The following NBPF19 variants were observed in gnomAD, a reference collection of about 807,000 sequenced individuals.
NBPF19 encodes the protein NBPF family member NBPF19.
A neutral mutation model predicts 45.9 loss-of-function variants in NBPF19; 30 were observed. The observed-to-expected ratio is 0.65, with a 90% CI of 0.49 to 0.89. NBPF19 has a LOEUF of 0.89. NBPF19 is among the 40% of genes least tolerant of loss of function. The pLI, the probability that NBPF19 is intolerant of heterozygous loss-of-function variation, is 0.00. For missense variants in NBPF19, 495 were observed against 471.8 expected (o/e 1.05, Z -0.46); for synonymous variants, 183 against 181.2 (o/e 1.01, Z -0.08).
intron 3 of NBPF19, among the ~76,000 whole-genome samples, chr1:149,478,290 A>G (rs1483205086): frequency 6.6e-6 from 1 of 151,172 alleles, no homozygotes; most frequent in Non-Finnish European, 1.5e-5. Context: ...TGAAATTTAC[A>G]TAACACAAAA....
intron 9 of NBPF19, among the ~76,000 whole-genome samples, chr1:149,487,749 C>T (rs2085663881): frequency 6.7e-6 from 1 of 148,626 alleles, no homozygotes; most frequent in Non-Finnish European, 1.5e-5. Flanking sequence ...ATCAGTGTGT[C>T]ACCTGACCAA....
At position 149,494,506 on chromosome 1, in the gene NBPF19, T is replaced by G; in HGVS notation, c.2170+16T>G. The G allele has an allele frequency of 5.4e-6, 1 of 183,644 alleles. No homozygotes were observed. Among genetic ancestry groups the G allele is most frequent in the Non-Finnish European group, 9.5e-6 (1 of 105,288 alleles). The allele number at this position is 183,644 out of a possible 1,614,324, so 11.4% of individuals were successfully genotyped here. ...GACGTGGACAGTGAGTACCTTACTATGAAGGTGATAAGCCTCCACCTGGTC... is the reference window on the plus strand; with the variant it reads ...GACGTGGACAGTGAGTACCTTACTAGGAAGGTGATAAGCCTCCACCTGGTC... On this transcript the variant is annotated intron_variant, in intron 18 of 93. Transcript: ENST00000651566.
rs2087242474 is a variant in NBPF19 at position 149,556,043 on chromosome 1, TC to T, written c.*1307del. On this transcript the variant is annotated 3_prime_UTR_variant, in exon 94 of 94. Transcript: ENST00000651566. ...TAAATATCCTGTATTCTAATGATCA[TC>T]CTCTAAACATTTTATCATTTATTAA... 6.9e-6 allele frequency: 1 copy of T among 145,688 alleles called. No individual in the cohort carries two copies. The highest frequency in any genetic ancestry group is 7.0e-5 in the Admixed American group (1 of 14,376). The allele number at this position is 145,688 out of a possible 1,614,324, so 9.0% of individuals were successfully genotyped here.
At chr1:149,488,813 C>T (rs1414192328) in intron 10 of NBPF19, 92 bp from the exon 11 acceptor site, 2 of 73,876 alleles carry the variant, frequency 2.7e-5, no homozygotes, top group East Asian at 7.5e-4. Flanking sequence ...TGCTGAGGAG[C>T]CTGAAGTCTC....
intron 9 of NBPF19, among the ~76,000 whole-genome samples, chr1:149,487,694 T>G (rs1477686941): frequency 6.7e-6 from 1 of 150,366 alleles, no homozygotes; most frequent in African/African-American, 2.4e-5. Flanking sequence ...CACTGTTCAC[T>G]GTGTGTCCTG....
chr1:149,481,074 TACTC>T (rs1382097129), intron 6 of NBPF19, among the ~76,000 whole-genome samples, 190 bp downstream of exon 6: 10 of 147,806 alleles, frequency 6.8e-5, no homozygotes, highest in Admixed American at 2.7e-4. Context: ...AGTATCAAGT[TACTC>T]AACCCCAGGC....
At chr1:149,487,446 G>A (rs1310621299) in intron 9 of NBPF19, 63 bp downstream of exon 9, 9 of 923,560 alleles carry the variant, frequency 9.7e-6, no homozygotes, top group Non-Finnish European at 1.2e-5. Flanking sequence ...CAAGTCCAGG[G>A]AAAACAGTAC....
At position 149,554,906 on chromosome 1, in the gene NBPF19, C is replaced by T. The variant is rs2087210540; in HGVS notation, c.*168C>T. The T allele has an allele frequency of 1.5e-6, 2 of 1,305,618 alleles. No individual in the cohort carries two copies. The highest frequency in any genetic ancestry group is 2.1e-6 in the Non-Finnish European group (2 of 942,074). The allele number at this position is 1,305,618 out of a possible 1,614,324, so 80.9% of individuals were successfully genotyped here. Reference sequence around the variant, plus strand: ...ATGCCAGTGGCAACCTGTGCTCAGTCTGAAGACAATGGACCCACGTTAGGT... The same window carrying T: ...ATGCCAGTGGCAACCTGTGCTCAGTTTGAAGACAATGGACCCACGTTAGGT... On this transcript the variant is annotated 3_prime_UTR_variant, in exon 94 of 94. Coordinates refer to ENST00000651566, the MANE Select transcript of NBPF19 (RefSeq NM_001351365.2).
chr1:149,487,475 T>A lies in NBPF19; in HGVS notation c.1040+92T>A, dbSNP rs1283907029. 5 of 985,494 alleles carry A rather than the reference T, an allele frequency of 5.1e-6. No homozygotes were observed. In the South Asian group the frequency reaches 5.1e-5, roughly 10 times the overall value. 61.0% of individuals were successfully genotyped at this position (985,494 alleles called of 1,614,324 possible). On this transcript the variant is annotated intron_variant, in intron 9 of 93. Transcript: ENST00000651566. ...ACAGTACATGCTGAAAATAATGATT[T>A]TGTCTTGTCAGACAAGTCTGAATTA...
chr1:149,487,895 T>A (rs1305180673), intron 9 of NBPF19, 118 bp from the exon 10 acceptor site: 18 of 739,510 alleles, frequency 2.4e-5, no homozygotes, highest in Non-Finnish European at 4.4e-5. Context: ...GTTACCTCAC[T>A]AATGGATCTC....
intron 2 of NBPF19, among the ~76,000 whole-genome samples, chr1:149,477,635 G>T (rs2084921183): frequency 6.6e-6 from 1 of 151,488 alleles, no homozygotes; most frequent in East Asian, 1.9e-4. Flanking sequence ...TGCAAGACTT[G>T]GGAAAGTGGC....
At position 149,475,183 on chromosome 1, in the gene NBPF19, A is replaced by G. The variant is rs2101525471; in HGVS notation, c.-648A>G. ...CAAGAATACTGAGACAGGAAAGAAAATATTTTAAAAAAATGAATTATTCAT... is the reference window on the plus strand; with the variant it reads ...CAAGAATACTGAGACAGGAAAGAAAGTATTTTAAAAAAATGAATTATTCAT... On this transcript the variant is annotated 5_prime_UTR_variant, in exon 1 of 94. Coordinates refer to ENST00000651566, the MANE Select transcript of NBPF19 (RefSeq NM_001351365.2). Among the ~76,000 whole-genome samples, 1 of 149,630 alleles carries G rather than the reference A, an allele frequency of 6.7e-6. No homozygotes were observed. The highest frequency in any genetic ancestry group is 2.5e-5 in the African/African-American group (1 of 40,804).
chr1:149,487,881 A>C, intron 9 of NBPF19, 132 bp from the exon 10 acceptor site: 1 of 722,612 alleles, frequency 1.4e-6, no homozygotes, highest in South Asian at 1.5e-5. Flanking sequence ...AAAGGCAATA[A>C]TTTGTTACCT....
intron 2 of NBPF19, among the ~76,000 whole-genome samples, chr1:149,476,838 G>A (rs1377321875): frequency 2.0e-5 from 3 of 146,982 alleles, no homozygotes; most frequent in African/African-American, 7.4e-5. Flanking sequence ...GGGAGGCTGA[G>A]GCAGAAGAAT....
At position 149,554,757 on chromosome 1, in the gene NBPF19, A is replaced by G. The variant is rs1412942796; in HGVS notation, c.*19A>G. 6.2e-6 allele frequency: 10 copies of G among 1,607,698 alleles called. No homozygotes were observed. The highest frequency in any genetic ancestry group is 2.2e-4 in the Middle Eastern group (1 of 4,446). On this transcript the variant is annotated 3_prime_UTR_variant, in exon 94 of 94. Coordinates refer to ENST00000651566, the MANE Select transcript of NBPF19 (RefSeq NM_001351365.2). ...ACAATAGGCAGCCCTTACTAAGCCG[A>G]GAGATGTCATTCCTGCAGGCAGGAC...
intron 4 of NBPF19, among the ~76,000 whole-genome samples, chr1:149,479,532 G>A (rs1409398322): frequency 2.0e-5 from 3 of 148,924 alleles, no homozygotes; most frequent in Non-Finnish European, 3.0e-5. Flanking sequence ...CTCTTGCAAG[G>A]GTCTGAAGCA....
At position 149,480,891 on chromosome 1, in the gene NBPF19, T is replaced by C; in HGVS notation, c.772+7T>C. 1 of 1,226,472 alleles carries C rather than the reference T, an allele frequency of 8.2e-7. No individual in the cohort carries two copies. Among genetic ancestry groups the C allele is most frequent in the Non-Finnish European group, 1.2e-6 (1 of 837,278 alleles). 76.0% of individuals were successfully genotyped at this position (1,226,472 alleles called of 1,614,324 possible). On this transcript the variant is annotated splice_region_variant and intron_variant, in intron 6 of 93. Coordinates refer to ENST00000651566, the MANE Select transcript of NBPF19 (RefSeq NM_001351365.2). ...GCTGTACACATTATTCCAGGTAGCC[T>C]CTGTTTTCCTTGTGTCTCATACCTC... is the stretch of plus-strand genomic sequence containing the variant.
In NBPF19 at chr1:149,477,808, A is replaced by T. The variant is rs1215401449; in HGVS notation, c.176-137A>T. 2.9e-4 allele frequency: 249 copies of T among 871,536 alleles called. 10 individuals are homozygous for T. Among genetic ancestry groups the T allele is most frequent in the Non-Finnish European group, 6.1e-5 (33 of 545,332 alleles). The allele number at this position is 871,536 out of a possible 1,614,324, so 54.0% of individuals were successfully genotyped here. On this transcript the variant is annotated intron_variant, in intron 2 of 93. Coordinates refer to ENST00000651566, the MANE Select transcript of NBPF19 (RefSeq NM_001351365.2). ...AAAGTCAGGAGACTGAAGAATAAAGATGTGGAAATCCCTGTCTAGACCCTG... is the reference window on the plus strand; with the variant it reads ...AAAGTCAGGAGACTGAAGAATAAAGTTGTGGAAATCCCTGTCTAGACCCTG...
rs1449189142 is a variant in NBPF19, at chr1:149,555,142, A to T, written c.*404A>T. ...CCCTGGTTTCAATGAACCTAACCTC[A>T]TTCTTTGTGTCTTCAGTGTTGGCTT... On this transcript the variant is annotated 3_prime_UTR_variant, in exon 94 of 94. Transcript: ENST00000651566. 3 of 245,186 alleles carry T rather than the reference A, an allele frequency of 1.2e-5. No homozygotes were observed. In the Admixed American group the frequency reaches 1.5e-4, roughly 13 times the overall value. 15.2% of individuals were successfully genotyped at this position (245,186 alleles called of 1,614,324 possible).
Sources: allele counts gnomAD v4.1 joint callset (sites outside exome capture counted in the v4.1 genomes callset), GRCh38; gene constraint gnomAD v4.1.1; transcripts MANE v1.5; gene names NCBI Gene and HGNC (gene_info 2026-07-23, HGNC 2026-07-21).